KATNAL2: variants seen among roughly 807,000 people sequenced by gnomAD.
KATNAL2 encodes katanin p60 ATPase-containing subunit A-like 2.
A neutral mutation model predicts 76.3 loss-of-function variants in KATNAL2; 52 were observed. That is an observed-to-expected ratio of 0.68 (90% CI 0.55 to 0.86). The LOEUF (loss-of-function observed/expected upper bound fraction) is 0.86, where lower values mean the gene tolerates loss of function less well. KATNAL2 is among the 40% of genes least tolerant of loss of function. KATNAL2 has a pLI of 0.00. For synonymous variants in KATNAL2, 243 were observed against 244.2 expected, an observed-to-expected ratio of 1.00 and a Z score of 0.05; for missense variants, 660 against 668.9, an observed-to-expected ratio of 0.99 and a Z score of 0.15.
intron 1 of KATNAL2, among the ~76,000 whole-genome samples, chr18:46,924,709 G>A (rs1280083096): frequency 1.3e-5 from 2 of 152,190 alleles, no homozygotes; most frequent in African/African-American, 4.8e-5. Flanking sequence ...CTACCCATGA[G>A]CATGGAATGT....
At chr18:47,037,560 T>C (rs1042654480) in intron 3 of KATNAL2, among the ~76,000 whole-genome samples, 1 of 152,178 alleles carries the variant, frequency 6.6e-6, no homozygotes, top group Non-Finnish European at 1.5e-5. Flanking sequence ...AGAAGATAAT[T>C]TTCTAGGTTA....
intron 3 of KATNAL2, among the ~76,000 whole-genome samples, chr18:46,957,043 A>G (rs546391824): frequency 6.6e-6 from 1 of 151,444 alleles, no homozygotes; most frequent in South Asian, 2.1e-4. Flanking sequence ...GTCTCAAAAA[A>G]AAAAAAAAAA....
At chr18:46,943,760 C>T (rs1164189125) in intron 1 of KATNAL2, among the ~76,000 whole-genome samples, 2 of 152,220 alleles carry the variant, frequency 1.3e-5, no homozygotes, top group Non-Finnish European at 2.9e-5. Context: ...TAAGAACCCT[C>T]TTTTGGGGTC....
At chr18:47,054,787 G>C (rs1024743026) in intron 6 of KATNAL2, among the ~76,000 whole-genome samples, 1 of 152,186 alleles carries the variant, frequency 6.6e-6, no homozygotes, top group Non-Finnish European at 1.5e-5. Context: ...TGAGTTCCTG[G>C]CACACAGTGA....
At chr18:46,938,145 G>A (rs141283260) in intron 1 of KATNAL2, among the ~76,000 whole-genome samples, 1 of 151,990 alleles carries the variant, frequency 6.6e-6, no homozygotes, top group Non-Finnish European at 1.5e-5. Context: ...GAATAAACTA[G>A]AGCTACATAT....
intron 6 of KATNAL2, 38 bp downstream of exon 6, chr18:47,054,476 C>A: frequency 6.3e-7 from 1 of 1,596,988 alleles, no homozygotes. Context: ...CGACTCGGCT[C>A]GAGGAGCTTG....
intron 3 of KATNAL2, among the ~76,000 whole-genome samples, chr18:46,949,400 G>A (rs2059483122): frequency 6.6e-6 from 1 of 152,098 alleles, no homozygotes; most frequent in Non-Finnish European, 1.5e-5. Context: ...CCACAGGCAT[G>A]TACCATCACA....
At chr18:46,927,404 A>T (rs1231739013) in intron 1 of KATNAL2, among the ~76,000 whole-genome samples, 2 of 152,216 alleles carry the variant, frequency 1.3e-5, no homozygotes, top group South Asian at 2.1e-4. Flanking sequence ...AGAATGTTGA[A>T]TATTGGTCCC....
At chr18:47,052,775 A>G in intron 4 of KATNAL2, 105 bp from the exon 5 acceptor site, 2 of 852,428 alleles carry the variant, frequency 2.3e-6, no homozygotes, top group Non-Finnish European at 3.5e-6. Flanking sequence ...TGTGCTATAT[A>G]TAGGCTTACT....
intron 15 of KATNAL2, among the ~76,000 whole-genome samples, chr18:47,097,422 ACAT>A (rs1446856479): frequency 1.3e-5 from 2 of 152,186 alleles, no homozygotes; most frequent in Admixed American, 6.5e-5. Flanking sequence ...ATATGAAAAC[ACAT>A]CATCATCTAT....
intron 15 of KATNAL2, chr18:47,084,293 T>A (rs2062664843): frequency 1.4e-6 from 1 of 701,822 alleles, no homozygotes; most frequent in African/African-American, 1.7e-5. Context: ...TGCATGTGAT[T>A]GGAGGGATAA....
At chr18:47,079,458 G>A (rs903087168) in intron 15 of KATNAL2, among the ~76,000 whole-genome samples, 7 of 151,060 alleles carry the variant, frequency 4.6e-5, no homozygotes, top group African/African-American at 1.5e-4. Flanking sequence ...GCAATGGCAC[G>A]ATCTCGGCTC....
intron 3 of KATNAL2, among the ~76,000 whole-genome samples, chr18:46,954,567 G>C (rs2059667919): frequency 1.3e-5 from 2 of 151,924 alleles, no homozygotes; most frequent in African/African-American, 4.8e-5. Context: ...TTGACCTCGT[G>C]ATCTGCCCAC....
At chr18:47,034,288 C>T in intron 3 of KATNAL2, 1 of 1,613,714 alleles carries the variant, frequency 6.2e-7, no homozygotes. Flanking sequence ...TGTCCCATTT[C>T]CTGGGTCCCG....
Position 46,946,521 on chromosome 18 carries a change from G to C in KATNAL2, c.-45G>C. The C allele has an allele frequency of 1.0e-6, 1 of 985,442 alleles. No individual in the cohort carries two copies. Among genetic ancestry groups the C allele is most frequent in the Non-Finnish European group, 1.2e-6 (1 of 829,932 alleles). 61.0% of individuals were successfully genotyped at this position (985,442 alleles called of 1,614,324 possible). A position where few individuals can be genotyped will look rare whatever the true frequency, so the allele number is the denominator to read the frequency against. On this transcript the variant is annotated 5_prime_UTR_variant, in exon 2 of 18. Transcript: ENST00000683218. ...ATTGGGTCGCAAAGACCTGAACAAC[G>C]GCTGAAATCAAGGACAAATATTATG...
At chr18:46,959,818 G>A (rs186570858) in intron 3 of KATNAL2, among the ~76,000 whole-genome samples, 12 of 152,242 alleles carry the variant, frequency 7.9e-5, no homozygotes, top group Non-Finnish European at 1.5e-4. Context: ...CAAGTGATCT[G>A]CCCGCCTCGG....
At chr18:47,050,816 G>A (rs755142685) in intron 4 of KATNAL2, among the ~76,000 whole-genome samples, 3 of 152,222 alleles carry the variant, frequency 2.0e-5, no homozygotes, top group Non-Finnish European at 4.4e-5. Flanking sequence ...AGAGGGTGAC[G>A]TGAGCTGGAC....
chr18:47,101,151 G>C lies in KATNAL2; in HGVS notation c.*146G>C. 1 of 824,752 alleles carries C rather than the reference G, an allele frequency of 1.2e-6. No homozygotes were observed. Among genetic ancestry groups the C allele is most frequent in the Non-Finnish European group, 1.9e-6 (1 of 539,962 alleles). 51.1% of individuals were successfully genotyped at this position (824,752 alleles called of 1,614,324 possible). Reference sequence around the variant, plus strand: ...TAACTTGAGCCACTGTATTGTTTTGGATAGCTGAGATATATTTATTAACTT... The same window carrying C: ...TAACTTGAGCCACTGTATTGTTTTGCATAGCTGAGATATATTTATTAACTT... On this transcript the variant is annotated 3_prime_UTR_variant, in exon 18 of 18. Transcript: ENST00000683218.
chr18:47,063,755 C>A (rs772580861), intron 10 of KATNAL2, among the ~76,000 whole-genome samples: 3 of 152,106 alleles, frequency 2.0e-5, no homozygotes, highest in Non-Finnish European at 4.4e-5. Context: ...CTGATGATAT[C>A]ATCATTGAAA....
Sources: allele counts gnomAD v4.1 joint callset (sites outside exome capture counted in the v4.1 genomes callset), GRCh38; gene constraint gnomAD v4.1.1; transcripts MANE v1.5; gene names NCBI Gene and HGNC (gene_info 2026-07-23, HGNC 2026-07-21).